CAMKK2: variants seen among roughly 807,000 people sequenced by gnomAD.
The protein encoded by CAMKK2 is calcium/calmodulin-dependent protein kinase kinase 2.
In CAMKK2, 30 loss-of-function variants were observed where a neutral mutation model predicts 67.2. The ratio of observed to expected loss-of-function variants is 0.45; its 90% CI spans 0.33 to 0.61. The LOEUF (loss-of-function observed/expected upper bound fraction) is 0.61, where lower values mean the gene tolerates loss of function less well. Among genes scored for constraint, CAMKK2 ranks in the 20% least tolerant of loss-of-function variants. CAMKK2 has a pLI of 0.02. For missense variants in CAMKK2, 643 were observed against 802.0 expected (o/e 0.80, Z 2.39); for synonymous variants, 322 against 326.2 (o/e 0.99, Z 0.14).
chr12:121,260,308 G>A lies in CAMKK2; in HGVS notation c.796+11C>T. The A allele has an allele frequency of 6.2e-7, 1 of 1,602,782 alleles. No individual in the cohort carries two copies. Among genetic ancestry groups the A allele is most frequent in the East Asian group, 2.3e-5 (1 of 44,210 alleles). On this transcript the variant is annotated intron_variant, in intron 7 of 16. Transcript: ENST00000404169. ...CTGGGTGAGGGTGGCAGAAGAAAAG[G>A]GCTTCCTTACCCATGTACAGATGGT...
chr12:121,287,227 G>A (rs754768882), intron 1 of CAMKK2, among the ~76,000 whole-genome samples: 4 of 152,056 alleles, frequency 2.6e-5, no homozygotes, highest in Non-Finnish European at 4.4e-5. Context: ...ATTTTAAAAC[G>A]AAATCTCTTA....
In CAMKK2 at chr12:121,277,539, T is replaced by C. The variant is rs1593449875; in HGVS notation, c.-59-2954A>G. Among the ~76,000 whole-genome samples, 4 of 152,140 alleles carry C rather than the reference T, an allele frequency of 2.6e-5. No individual in the cohort carries two copies. The South Asian group carries it at 6.2e-4, about 24-fold the overall frequency. On this transcript the variant is annotated intron_variant, in intron 1 of 16. Coordinates refer to ENST00000404169, the MANE Select transcript of CAMKK2 (RefSeq NM_001270485.2). ...GGCAGAGCCATACAACAGAATACTA[T>C]ACAGCCACAAAAAAGAAGGAAACTC...
chr12:121,242,342 CAAA>C (rs111365408), intron 16 of CAMKK2, among the ~76,000 whole-genome samples: 1 of 126,764 alleles, frequency 7.9e-6, no homozygotes. Flanking sequence ...GACCCTGTCT[CAAA>C]AAAAAAAAAG....
At chr12:121,295,857 G>A (rs1384745926) in intron 1 of CAMKK2, among the ~76,000 whole-genome samples, 1 of 152,218 alleles carries the variant, frequency 6.6e-6, no homozygotes, top group Non-Finnish European at 1.5e-5. Flanking sequence ...CACTTCCCCA[G>A]CTAGGCAGTG....
At chr12:121,292,247 T>C (rs1900189418) in intron 1 of CAMKK2, among the ~76,000 whole-genome samples, 1 of 151,602 alleles carries the variant, frequency 6.6e-6, no homozygotes, top group Admixed American at 6.6e-5. Context: ...TGTCTCAGTC[T>C]CCCGAGTGGC....
intron 14 of CAMKK2, among the ~76,000 whole-genome samples, chr12:121,247,159 C>T (rs891568345): frequency 2.6e-5 from 4 of 152,154 alleles, no homozygotes; most frequent in Non-Finnish European, 5.9e-5. Context: ...TAACACCCTA[C>T]CATCCTCTCG....
intron 1 of CAMKK2, among the ~76,000 whole-genome samples, chr12:121,275,609 C>T (rs1896655598): frequency 6.6e-6 from 1 of 151,056 alleles, no homozygotes. Context: ...ATATATGATT[C>T]TATTTATATG....
Position 121,263,789 on chromosome 12 carries a change from C to G in CAMKK2, c.759+17G>C, listed in dbSNP as rs200558849. The G allele has an allele frequency of 6.3e-7, 1 of 1,588,500 alleles. No individual in the cohort carries two copies. The highest frequency in any genetic ancestry group is 8.6e-7 in the Non-Finnish European group (1 of 1,163,054). ...AGCCAGGGCCTCCCTCCCTCCTGGG[C>G]GCCTCCACCCTTTTACCTCCACCAG... On this transcript the variant is annotated intron_variant, in intron 6 of 16. Transcript: ENST00000404169.
chr12:121,263,621 C>A (rs1047978438), intron 6 of CAMKK2, among the ~76,000 whole-genome samples, 185 bp downstream of exon 6: 2 of 151,080 alleles, frequency 1.3e-5, no homozygotes, highest in Non-Finnish European at 3.0e-5. Flanking sequence ...ACAAAGCAGG[C>A]AAAAGAAAGA....
chr12:121,287,162 T>G (rs1898913879), intron 1 of CAMKK2, among the ~76,000 whole-genome samples: 1 of 152,140 alleles, frequency 6.6e-6, no homozygotes, highest in Non-Finnish European at 1.5e-5. Context: ...TGCCTCAGCC[T>G]CCCAAAGTGC....
rs2136147584 is a variant in CAMKK2 at position 121,244,591 on chromosome 12, C to A, written c.1578G>T (p.Glu526Asp). ...LLTKKPTREC[E>D]SLSELKEARQ... is the part of the protein sequence containing the mutation. ...GCGTTACCTTGAGCTCAGACAGGGA[C>A]TCACATTCCCTGGTTGGTTTTTTGC... The change falls in exon 16 of 17, where the codon GAG becomes GAT. Residue 526 changes from glutamate to aspartate, a missense_variant. By Grantham distance (45) the Glu-to-Asp change is conservative (BLOSUM62 2). Coordinates refer to ENST00000404169, the MANE Select transcript of CAMKK2 (RefSeq NM_001270485.2). 2 of 1,564,192 alleles carry A rather than the reference C, an allele frequency of 1.3e-6. No individual in the cohort carries two copies. The highest frequency in any genetic ancestry group is 3.8e-5 in the Admixed American group (2 of 52,140).
At chr12:121,267,738 C>T (rs575416774) in intron 5 of CAMKK2, among the ~76,000 whole-genome samples, 82 of 152,166 alleles carry the variant, frequency 5.4e-4, no homozygotes, top group African/African-American at 2.0e-3. Context: ...AAGTGATCCA[C>T]TCGCCTCGGC....
chr12:121,295,767 T>TC (rs1202080720), intron 1 of CAMKK2, among the ~76,000 whole-genome samples: 2 of 152,018 alleles, frequency 1.3e-5, no homozygotes, highest in Non-Finnish European at 2.9e-5. Flanking sequence ...CTCGGGGAGA[T>TC]CGGAGGGGCT....
Position 121,277,855 on chromosome 12 carries a change from T to C in CAMKK2, c.-59-3270A>G, listed in dbSNP as rs541341919. 2.0e-4 allele frequency among the ~76,000 whole-genome samples: 30 copies of C among 152,264 alleles called. 1 individual carries two copies. Among genetic ancestry groups the C allele is most frequent in the Admixed American group, 1.6e-3 (25 of 15,290 alleles). On this transcript the variant is annotated intron_variant, in intron 1 of 16. Coordinates refer to ENST00000404169, the MANE Select transcript of CAMKK2 (RefSeq NM_001270485.2). ...GGTGTTGGGCACCTGTCATCCCAGC[T>C]ACTCAGGAGGCTGAAGCAGGAGAAT...
intron 1 of CAMKK2, among the ~76,000 whole-genome samples, chr12:121,283,456 C>T (rs943943544): frequency 1.3e-5 from 2 of 152,148 alleles, no homozygotes; most frequent in East Asian, 3.9e-4. Context: ...GTCCCTAGAA[C>T]AAAAACGTTG....
At chr12:121,279,133 C>G (rs1897299979) in intron 1 of CAMKK2, among the ~76,000 whole-genome samples, 1 of 152,270 alleles carries the variant, frequency 6.6e-6, no homozygotes, top group Non-Finnish European at 1.5e-5. Context: ...CCCAGCAAGG[C>G]TGCTTTTAAT....
chr12:121,293,790 G>A (rs1376086029), intron 1 of CAMKK2, among the ~76,000 whole-genome samples: 1 of 152,060 alleles, frequency 6.6e-6, no homozygotes, highest in African/African-American at 2.4e-5. Context: ...CCTTCAGGGA[G>A]CCTCCCAGAT....
At chr12:121,244,276 G>T in intron 16 of CAMKK2, 1 of 794,804 alleles carries the variant, frequency 1.3e-6, no homozygotes, top group Non-Finnish European at 2.0e-6. Context: ...CCATTGACGT[G>T]CACTGAGAAG....
chr12:121,297,431 C>T (rs1901495092), upstream of CAMKK2: 1 of 365,372 alleles, frequency 2.7e-6, no homozygotes, highest in Admixed American at 3.3e-5. Context: ...CATCCCCAGC[C>T]CACCTGGATG....
Sources: gnomAD v4.1 joint callset for allele counts (sites outside exome capture counted in the v4.1 genomes callset) on GRCh38, gnomAD v4.1.1 for gene constraint, MANE v1.5 for transcripts, NCBI Gene and HGNC (gene_info 2026-07-23, HGNC 2026-07-21) for gene names.